Variants in ARHGEF10 observed in about 807,000 individuals in gnomAD.
The protein encoded by ARHGEF10 is Rho guanine nucleotide exchange factor 10, also known as Rho guanine nucleotide exchange factor (GEF) 10.
ARHGEF10 carries 140 observed loss-of-function variants against 147.4 expected under a neutral mutation model. The ratio of observed to expected loss-of-function variants is 0.95; its 90% CI spans 0.83 to 1.09. The LOEUF is 1.09. Ranked by LOEUF, ARHGEF10 falls within the 50% of genes least tolerant of loss-of-function variation. ARHGEF10 has a pLI of 0.00. For missense variants in ARHGEF10, 2,222 were observed against 1,752.7 expected (o/e 1.27, Z -4.78); for synonymous variants, 902 against 695.8 (o/e 1.30, Z -4.67).
At chr8:1,833,789 G>A (rs558427876) in intron 1 of ARHGEF10, among the ~76,000 whole-genome samples, 8 of 152,270 alleles carry the variant, frequency 5.3e-5, no homozygotes, top group South Asian at 2.1e-4. Context: ...CCTCCTGGCC[G>A]CTGACCCCCA....
chr8:1,863,970 G>A (rs1349559682), intron 4 of ARHGEF10, among the ~76,000 whole-genome samples: 2 of 152,076 alleles, frequency 1.3e-5, no homozygotes, highest in Admixed American at 1.3e-4. Flanking sequence ...GCCAGTCACA[G>A]CCGTGGCTCC....
intron 24 of ARHGEF10, 63 bp downstream of exon 24, chr8:1,928,713 G>A (rs1812879672): frequency 6.4e-7 from 1 of 1,570,500 alleles, no homozygotes; most frequent in Non-Finnish European, 8.7e-7. Context: ...GCGTGGTGGG[G>A]AGCCTGTCCT....
intron 28 of ARHGEF10, among the ~76,000 whole-genome samples, chr8:1,953,981 A>T (rs564651159): frequency 4.1e-4 from 62 of 152,292 alleles, no homozygotes; most frequent in African/African-American, 1.3e-3. Context: ...ACCCACAAGG[A>T]TTAAGGAATT....
At position 1,888,830 on chromosome 8, in the gene ARHGEF10, G is replaced by T. The variant is rs1443909403; in HGVS notation, c.1182+3123G>T. On this transcript the variant is annotated intron_variant, in intron 11 of 28. Transcript: ENST00000349830. ...CTGAGTGGGGTGAGAGTTATGAGGAGACACTGAATAGGGTGAGGTTTGTGA... is the reference window on the plus strand; with the variant it reads ...CTGAGTGGGGTGAGAGTTATGAGGATACACTGAATAGGGTGAGGTTTGTGA... 3.0e-5 allele frequency among the ~76,000 whole-genome samples: 3 copies of T among 99,854 alleles called. 1 individual carries two copies. The highest frequency in any genetic ancestry group is 1.8e-4 in the African/African-American group (3 of 16,896). 65.5% of individuals were successfully genotyped at this position (99,854 alleles called of 152,430 possible). A position where few individuals can be genotyped will look rare whatever the true frequency, so the allele number is the denominator to read the frequency against.
intron 4 of ARHGEF10, among the ~76,000 whole-genome samples, chr8:1,863,319 G>A (rs922917556): frequency 2.0e-5 from 3 of 152,232 alleles, no homozygotes; most frequent in African/African-American, 7.2e-5. Flanking sequence ...CAGCTGTGTG[G>A]CAGCTCCTGG....
intron 1 of ARHGEF10, among the ~76,000 whole-genome samples, chr8:1,825,595 C>A (rs974515205): frequency 2.0e-5 from 3 of 149,800 alleles, no homozygotes; most frequent in African/African-American, 7.4e-5. Flanking sequence ...CCACAGACGC[C>A]CTGCCCACCT....
intron 18 of ARHGEF10, among the ~76,000 whole-genome samples, chr8:1,919,300 G>A (rs1563284611): frequency 6.7e-6 from 1 of 148,346 alleles, no homozygotes; most frequent in Non-Finnish European, 1.5e-5. Flanking sequence ...GTTGTTTTAT[G>A]GGTAATGGAG....
At position 1,857,997 on chromosome 8, in the gene ARHGEF10, G is replaced by T; in HGVS notation, c.75G>T (p.Glu25Asp). 1 of 1,614,054 alleles carries T rather than the reference G, an allele frequency of 6.2e-7. No homozygotes were observed. The highest frequency in any genetic ancestry group is 8.5e-7 in the Non-Finnish European group (1 of 1,179,990). The change falls in exon 3 of 29, where the codon GAG (glutamate) becomes GAT (aspartate). Residue 25 changes from glutamate to aspartate, a missense_variant. Transcript: ENST00000349830. ...AATATGATACCAATAATAATGAAGAGGAAGAGGGAGAACAGTTCGATTTTG... is the reference window on the plus strand; with the variant it reads ...AATATGATACCAATAATAATGAAGATGAAGAGGGAGAACAGTTCGATTTTG... ...EMKYDTNNNE[E>D]EEGEQFDFDS...
chr8:1,832,407 G>T (rs1298266633), intron 1 of ARHGEF10, among the ~76,000 whole-genome samples: 1 of 150,818 alleles, frequency 6.6e-6, no homozygotes, highest in Non-Finnish European at 1.5e-5. Flanking sequence ...GAGAGAGGCA[G>T]AGGCAGAGAC....
chr8:1,845,973 A>G (rs1585245937), intron 2 of ARHGEF10, among the ~76,000 whole-genome samples: 1 of 152,320 alleles, frequency 6.6e-6, no homozygotes, highest in Non-Finnish European at 1.5e-5. Flanking sequence ...GGAGAGTATG[A>G]CAGGTCCACG....
At position 1,840,252 on chromosome 8, in the gene ARHGEF10, G is replaced by A. The variant is rs374442657; in HGVS notation, c.-47-3101G>A. On this transcript the variant is annotated intron_variant, in intron 1 of 28. Coordinates refer to ENST00000349830, the MANE Select transcript of ARHGEF10 (RefSeq NM_014629.4). Reference sequence around the variant, plus strand: ...GTGGAAGCTGTCTGGTGTGGGGACTGTCCGGTGTGGAATCTGTCCGGTGTG... The same window carrying A: ...GTGGAAGCTGTCTGGTGTGGGGACTATCCGGTGTGGAATCTGTCCGGTGTG... 2.5e-4 allele frequency among the ~76,000 whole-genome samples: 35 copies of A among 140,866 alleles called. No homozygotes were observed. The East Asian group carries it at 4.9e-3, about 20-fold the overall frequency. The allele number at this position is 140,866 out of a possible 152,430, so 92.4% of individuals were successfully genotyped here. A position where few individuals can be genotyped will look rare whatever the true frequency, so the allele number is the denominator to read the frequency against.
chr8:1,926,814 C>T (rs1585566890), intron 23 of ARHGEF10: 8 of 336,830 alleles, frequency 2.4e-5, no homozygotes, highest in South Asian at 1.9e-4. Context: ...CTGGCTTTTT[C>T]CAGTGGAAAC....
Position 1,926,450 on chromosome 8 carries a change from A to C in ARHGEF10, c.2684A>C (p.His895Pro). 1 of 1,614,086 alleles carries C rather than the reference A, an allele frequency of 6.2e-7. No individual in the cohort carries two copies. The highest frequency in any genetic ancestry group is 1.1e-5 in the South Asian group (1 of 91,090). ...ESQPDSFSTA[H>P]GFLWIGSCTH... ...CAGCCAGATTCATTTTCCACGGCAC[A>C]TGGTTTCCTGTGGGTAAGATGTGTT... Residue 895 changes from histidine (H) to proline (P), a missense_variant, in exon 23 of 29, where the codon CAT becomes CCT. By Grantham distance (77) the His-to-Pro change is moderately conservative (BLOSUM62 -2). Transcript: ENST00000349830.
chr8:1,881,558 G>GGGTT (rs1808196723), intron 9 of ARHGEF10, among the ~76,000 whole-genome samples: 1 of 152,200 alleles, frequency 6.6e-6, no homozygotes, highest in Non-Finnish European at 1.5e-5. Flanking sequence ...TGCAGGAGCA[G>GGGTT]GGGAGCCCCC....
intron 17 of ARHGEF10, 96 bp downstream of exon 17, chr8:1,905,812 C>A: frequency 6.6e-7 from 1 of 1,515,384 alleles, no homozygotes; most frequent in Non-Finnish European, 9.1e-7. Context: ...GTCACTCAGA[C>A]TGAACTGGTT....
chr8:1,929,623 G>A (rs1812960225), intron 25 of ARHGEF10, among the ~76,000 whole-genome samples, 180 bp downstream of exon 25: 1 of 151,760 alleles, frequency 6.6e-6, no homozygotes. Flanking sequence ...AAAGGTGTTT[G>A]TTGAATATAC....
chr8:1,833,698 G>C lies in ARHGEF10; in HGVS notation c.-48+9585G>C, dbSNP rs533967867. ...CCAGGCCGCTGCTGCCCTCATGCCC[G>C]GCCCAGCTTGTTTCCTGAACCCTTT... On this transcript the variant is annotated intron_variant, in intron 1 of 28. Coordinates refer to ENST00000349830, the MANE Select transcript of ARHGEF10 (RefSeq NM_014629.4). 2.4e-3 allele frequency among the ~76,000 whole-genome samples: 369 copies of C among 152,298 alleles called. 3 individuals carry two copies. Among genetic ancestry groups the C allele is most frequent in the African/African-American group, 8.6e-3 (357 of 41,556 alleles).
rs200895319 is a variant in ARHGEF10, at chr8:1,956,922, C to A, written c.3694C>A (p.Leu1232Met). The stretch of plus-strand genomic sequence containing the variant: ...TCCGAGTGGAGGAGCTGGTTCATCT[C>A]TGAGCCAGGGTGACCCTGACGCAGC... Reference protein sequence around the residue: ...ALPSGGAGSSLSQGDPDAAIW... With the variant: ...ALPSGGAGSSMSQGDPDAAIW... Residue 1232 changes from leucine to methionine, a missense_variant, in exon 29 of 29, where the codon CTG becomes ATG. By Grantham distance (15) the Leu-to-Met change is conservative. Coordinates refer to ENST00000349830, the MANE Select transcript of ARHGEF10 (RefSeq NM_014629.4). 1.1e-5 allele frequency: 17 copies of A among 1,614,076 alleles called. No individual in the cohort carries two copies. In the African/African-American group the frequency reaches 1.9e-4, roughly 18 times the overall value.
chr8:1,934,452 C>A (rs1477922949), intron 26 of ARHGEF10, among the ~76,000 whole-genome samples: 1 of 151,522 alleles, frequency 6.6e-6, no homozygotes, highest in African/African-American at 2.4e-5. Context: ...CATTTTTTAA[C>A]CATTTACCTG....
Sources: allele counts gnomAD v4.1 joint callset (sites outside exome capture counted in the v4.1 genomes callset), GRCh38; gene constraint gnomAD v4.1.1; transcripts MANE v1.5; gene names NCBI Gene and HGNC (gene_info 2026-07-23, HGNC 2026-07-21).